The following CDH12 variants were observed in gnomAD, a reference collection of about 807,000 sequenced individuals.
CDH12 encodes the protein cadherin-12.
In CDH12, 41 loss-of-function variants were observed where a neutral mutation model predicts 74.1. The observed-to-expected ratio is 0.55, with a 90% CI of 0.43 to 0.72. The LOEUF (loss-of-function observed/expected upper bound fraction) is 0.72. CDH12 is among the 30% of genes least tolerant of loss of function. The pLI is 0.00. For synonymous variants in CDH12, 399 were observed against 355.0 expected, an observed-to-expected ratio of 1.12 and a Z score of -1.39; for missense variants, 945 against 977.2, an observed-to-expected ratio of 0.97 and a Z score of 0.44.
At chr5:22,800,096 A>C (rs1238167056) in intron 1 of CDH12, among the ~76,000 whole-genome samples, 1 of 152,170 alleles carries the variant, frequency 6.6e-6, no homozygotes, top group African/African-American at 2.4e-5. Flanking sequence ...TAGTTAATTC[A>C]ACTGAGAGTA....
intron 1 of CDH12, among the ~76,000 whole-genome samples, chr5:22,634,657 C>T (rs565563666): frequency 1.3e-5 from 2 of 152,146 alleles, no homozygotes; most frequent in South Asian, 4.2e-4. Flanking sequence ...ACTTTCATAT[C>T]CCACTTTCAG....
intron 8 of CDH12, among the ~76,000 whole-genome samples, chr5:21,841,659 C>A (rs1443473040): frequency 3.6e-4 from 54 of 151,678 alleles, no homozygotes; most frequent in Non-Finnish European, 2.9e-5. Flanking sequence ...ACATACACAC[C>A]ATGGAATACT....
chr5:22,694,849 T>C (rs1742268890), intron 1 of CDH12, among the ~76,000 whole-genome samples: 1 of 151,728 alleles, frequency 6.6e-6, no homozygotes, highest in Non-Finnish European at 1.5e-5. Flanking sequence ...TTACTTTAGG[T>C]TCTGGATTAC....
chr5:21,831,723 A>G (rs1472612158), intron 8 of CDH12, among the ~76,000 whole-genome samples: 1 of 151,402 alleles, frequency 6.6e-6, no homozygotes, highest in Non-Finnish European at 1.5e-5. Context: ...GGGGATTGTC[A>G]AAAGAGACAA....
chr5:22,347,418 T>C (rs1269366707), intron 3 of CDH12, among the ~76,000 whole-genome samples: 1 of 151,734 alleles, frequency 6.6e-6, no homozygotes, highest in Non-Finnish European at 1.5e-5. Flanking sequence ...GCTTTTGGGC[T>C]CTTAGACCTA....
At chr5:22,262,169 C>A (rs4277878) in intron 3 of CDH12, among the ~76,000 whole-genome samples, 1 of 151,140 alleles carries the variant, frequency 6.6e-6, no homozygotes, top group African/African-American at 2.4e-5. Flanking sequence ...GCACATTGTG[C>A]AGGTTAGTTA....
At chr5:22,745,732 A>G (rs1561000578) in intron 1 of CDH12, among the ~76,000 whole-genome samples, 1 of 152,194 alleles carries the variant, frequency 6.6e-6, no homozygotes, top group Admixed American at 6.5e-5. Flanking sequence ...ATGGACACAC[A>G]GAGCGGAACG....
intron 1 of CDH12, among the ~76,000 whole-genome samples, chr5:22,675,439 G>A (rs1482206305): frequency 6.6e-6 from 1 of 152,188 alleles, no homozygotes; most frequent in East Asian, 1.9e-4. Flanking sequence ...GACATTTGCT[G>A]CAGGGCTGGG....
chr5:22,060,407 G>A (rs1466562918), intron 5 of CDH12, among the ~76,000 whole-genome samples: 1 of 152,028 alleles, frequency 6.6e-6, no homozygotes, highest in African/African-American at 2.4e-5. Context: ...GAGAGGTGCA[G>A]CAAACCACCA....
chr5:21,781,569 C>A (rs1745912564), intron 11 of CDH12, among the ~76,000 whole-genome samples: 1 of 151,912 alleles, frequency 6.6e-6, no homozygotes, highest in African/African-American at 2.4e-5. Flanking sequence ...ACTGAAAATA[C>A]AAAAATTAGC....
chr5:21,940,800 A>G (rs181280556), intron 6 of CDH12, among the ~76,000 whole-genome samples: 1 of 152,208 alleles, frequency 6.6e-6, no homozygotes, highest in East Asian at 1.9e-4. Flanking sequence ...TCTTACGTGT[A>G]CATTTGGACA....
chr5:22,470,875 T>C (rs948477428), intron 2 of CDH12, among the ~76,000 whole-genome samples: 2 of 151,366 alleles, frequency 1.3e-5, no homozygotes, highest in African/African-American at 4.9e-5. Flanking sequence ...TTTTTTTTTT[T>C]TTCTTCAACA....
intron 4 of CDH12, among the ~76,000 whole-genome samples, chr5:22,154,257 A>T (rs546309436): frequency 5.0e-4 from 75 of 151,136 alleles, no homozygotes; most frequent in Non-Finnish European, 5.9e-4. Flanking sequence ...TTTAAGACCT[A>T]CTCTCTAAGC....
chr5:22,451,224 TATAGAGA>T (rs1745030190), intron 2 of CDH12, among the ~76,000 whole-genome samples: 1 of 151,940 alleles, frequency 6.6e-6, no homozygotes, highest in Admixed American at 6.6e-5. Context: ...ATGTCTAATA[TATAGAGA>T]GTAAGTGATC....
chr5:21,839,294 CTG>C (rs1271074157), intron 8 of CDH12, among the ~76,000 whole-genome samples: 1 of 152,068 alleles, frequency 6.6e-6, no homozygotes, highest in Admixed American at 6.6e-5. Flanking sequence ...TTAAGACTCT[CTG>C]TGTTATTAAT....
intron 1 of CDH12, among the ~76,000 whole-genome samples, chr5:22,652,994 A>G (rs1466025116): frequency 6.6e-6 from 1 of 152,206 alleles, no homozygotes; most frequent in African/African-American, 2.4e-5. Context: ...ATGGGGGAAC[A>G]CTAAACACTT....
chr5:22,150,964 G>A (rs546348037), intron 4 of CDH12, among the ~76,000 whole-genome samples: 49 of 152,328 alleles, frequency 3.2e-4, no homozygotes, highest in Middle Eastern at 6.8e-3. Flanking sequence ...CAACCTCACA[G>A]AGTAGTCTTG....
intron 3 of CDH12, among the ~76,000 whole-genome samples, chr5:22,341,940 A>C (rs2150455611): frequency 6.6e-6 from 1 of 152,122 alleles, no homozygotes; most frequent in East Asian, 1.9e-4. Context: ...TAAAAAAAAA[A>C]CATAACTGGC....
chr5:22,801,075 G>A (rs554784877), intron 1 of CDH12, among the ~76,000 whole-genome samples: 143 of 152,206 alleles, frequency 9.4e-4, no homozygotes, highest in South Asian at 3.9e-3. Context: ...ATTATGATTG[G>A]ATCATATGGT....
Sources: gnomAD v4.1 joint callset for allele counts (sites outside exome capture counted in the v4.1 genomes callset) on GRCh38, gnomAD v4.1.1 for gene constraint, MANE v1.5 for transcripts, NCBI Gene and HGNC (gene_info 2026-07-23, HGNC 2026-07-21) for gene names.